ASAP1: variants seen among roughly 807,000 people sequenced by gnomAD.
ASAP1 encodes arf-GAP with SH3 domain, ANK repeat and PH domain-containing protein 1.
In ASAP1, 43 loss-of-function variants were observed where a neutral mutation model predicts 145.2. The ratio of observed to expected loss-of-function variants is 0.30; its 90% CI spans 0.23 to 0.38. ASAP1 has a LOEUF of 0.38. Among genes scored for constraint, ASAP1 ranks in the 10% least tolerant of loss-of-function variants. ASAP1 has a pLI of 1.00. For missense variants in ASAP1, 1,018 were observed against 1,355.3 expected, an observed-to-expected ratio of 0.75 and a Z score of 3.91; for synonymous variants, 546 against 515.5, an observed-to-expected ratio of 1.06 and a Z score of -0.80.
intron 3 of ASAP1, among the ~76,000 whole-genome samples, chr8:130,277,429 A>G (rs146499219): frequency 2.7e-4 from 41 of 152,364 alleles, no homozygotes; most frequent in African/African-American, 9.9e-4. Flanking sequence ...AAAGAACCAG[A>G]AAGTTCAGTA....
At chr8:130,241,082 T>C (rs1374553066) in intron 3 of ASAP1, among the ~76,000 whole-genome samples, 1 of 152,132 alleles carries the variant, frequency 6.6e-6, no homozygotes, top group Non-Finnish European at 1.5e-5. Flanking sequence ...TAAGAGCAGA[T>C]GTTCTCAGAG....
intron 3 of ASAP1, among the ~76,000 whole-genome samples, chr8:130,347,543 T>G (rs2138003729): frequency 6.6e-6 from 1 of 152,322 alleles, no homozygotes; most frequent in Middle Eastern, 3.4e-3. Context: ...CCAGCTTTGC[T>G]GTGTGATCTG....
Position 130,079,530 on chromosome 8 carries a change from GC to G in ASAP1, c.2642+371del, listed in dbSNP as rs559817799. Among the ~76,000 whole-genome samples, 13 of 152,188 alleles carry G rather than the reference GC, an allele frequency of 8.5e-5. No individual in the cohort carries two copies. The East Asian group carries it at 2.3e-3, about 27-fold the overall frequency. ...GGATTATCTTTTCATTTCCAAATCT[GC>G]AAAAGGAGTCAAGTGGAAAAGTAAC... On this transcript the variant is annotated intron_variant, in intron 26 of 29. Coordinates refer to ENST00000518721, the MANE Select transcript of ASAP1 (RefSeq NM_018482.4).
intron 3 of ASAP1, among the ~76,000 whole-genome samples, chr8:130,268,332 A>T (rs994896711): frequency 3.3e-5 from 5 of 152,052 alleles, no homozygotes; most frequent in African/African-American, 9.7e-5. Flanking sequence ...CAAAAATATT[A>T]AAAAATTAGC....
intron 3 of ASAP1, among the ~76,000 whole-genome samples, chr8:130,276,531 G>C (rs1820891031): frequency 6.6e-6 from 1 of 152,124 alleles, no homozygotes; most frequent in Non-Finnish European, 1.5e-5. Flanking sequence ...CAAAAAAGCT[G>C]GCATTTGTGT....
intron 1 of ASAP1, among the ~76,000 whole-genome samples, chr8:130,440,398 T>G (rs1830451062): frequency 6.6e-6 from 1 of 151,242 alleles, no homozygotes; most frequent in Non-Finnish European, 1.5e-5. Context: ...TCCCAGCTAC[T>G]CAGGAGGCTG....
chr8:130,067,943 G>A (rs538782337), intron 27 of ASAP1, among the ~76,000 whole-genome samples: 5 of 152,274 alleles, frequency 3.3e-5, no homozygotes, highest in South Asian at 2.1e-4. Flanking sequence ...TGGTATCAGC[G>A]AAGCAGGATT....
At chr8:130,354,213 T>A (rs1378913955) in intron 3 of ASAP1, among the ~76,000 whole-genome samples, 1 of 152,136 alleles carries the variant, frequency 6.6e-6, no homozygotes, top group Admixed American at 6.5e-5. Context: ...TTAAATTCCA[T>A]TTTATTTACT....
Position 130,169,042 on chromosome 8 carries a change from C to T in ASAP1, c.772G>A (p.Ala258Thr). The stretch of plus-strand genomic sequence containing the variant: ...TCAATGTACTGTTTCAACTTATCAG[C>T]TGTTTTCAAGCCATCTTGAAAGAAA... The part of the protein sequence containing the change: ...CNFFQDGLKT[A>T]DKLKQYIEKL... The change falls in exon 10 of 30, where the codon GCT becomes ACT. Residue 258 changes from alanine to threonine, a missense_variant. By Grantham distance (58) the Ala-to-Thr change is moderately conservative. This residue lies in a region of ASAP1 where 62 missense variants were observed against 68.5 expected (regional missense o/e 0.90). Transcript: ENST00000518721. The T allele has an allele frequency of 6.4e-7, 1 of 1,570,752 alleles. No homozygotes were observed. The highest frequency in any genetic ancestry group is 8.6e-7 in the Non-Finnish European group (1 of 1,162,096).
intron 3 of ASAP1, among the ~76,000 whole-genome samples, chr8:130,252,986 C>A (rs1282706064): frequency 6.6e-6 from 1 of 152,134 alleles, no homozygotes; most frequent in Non-Finnish European, 1.5e-5. Flanking sequence ...CTTTTAGCTT[C>A]CCACCAGTTC....
chr8:130,236,822 G>C (rs1464543496), intron 4 of ASAP1, 100 bp downstream of exon 4: 2 of 850,650 alleles, frequency 2.4e-6, no homozygotes, highest in Non-Finnish European at 3.4e-6. Flanking sequence ...TTTTCCATTT[G>C]TGTCAAGTTT....
At chr8:130,156,960 C>T (rs1032890266) in intron 12 of ASAP1, among the ~76,000 whole-genome samples, 4 of 152,128 alleles carry the variant, frequency 2.6e-5, no homozygotes, top group South Asian at 2.1e-4. Flanking sequence ...ATTGTGATTT[C>T]GGGAGAGTAG....
At chr8:130,116,542 A>G (rs2097556319) in intron 22 of ASAP1, 136 bp downstream of exon 22, 1 of 744,614 alleles carries the variant, frequency 1.3e-6, no homozygotes, top group Non-Finnish European at 2.3e-6. Flanking sequence ...AATGTAGCAC[A>G]TTGCTCATCT....
chr8:130,239,721 T>C (rs1818414362), intron 3 of ASAP1, among the ~76,000 whole-genome samples: 1 of 152,126 alleles, frequency 6.6e-6, no homozygotes, highest in Non-Finnish European at 1.5e-5. Flanking sequence ...AGATGAACTG[T>C]TTTTGTGATG....
At chr8:130,072,739 C>T (rs1215122195) in intron 27 of ASAP1, among the ~76,000 whole-genome samples, 1 of 149,116 alleles carries the variant, frequency 6.7e-6, no homozygotes, top group African/African-American at 2.5e-5. Context: ...TTGTAGGAGC[C>T]CCACCTTGTA....
rs185411909 is a variant in ASAP1 at position 130,069,178 on chromosome 8, A to G, written c.2701+7170T>C. 1.9e-3 allele frequency among the ~76,000 whole-genome samples: 283 copies of G among 152,352 alleles called. 1 individual carries two copies. The highest frequency in any genetic ancestry group is 6.4e-3 in the African/African-American group (268 of 41,578). On this transcript the variant is annotated intron_variant, in intron 27 of 29. Transcript: ENST00000518721. ...TGGGACTCATCCCAGCAGGGTAGAA[A>G]TCTTTAGATGGTTATTAAGAAATGG...
At chr8:130,267,134 C>CAAA (rs990415215) in intron 3 of ASAP1, among the ~76,000 whole-genome samples, 1 of 106,424 alleles carries the variant, frequency 9.4e-6, no homozygotes, top group Non-Finnish European at 2.3e-5. Flanking sequence ...AAAAAAAAAA[C>CAAA]AAAACAAAAA....
chr8:130,437,327 A>G (rs1188026432), intron 1 of ASAP1, among the ~76,000 whole-genome samples: 1 of 152,230 alleles, frequency 6.6e-6, no homozygotes, highest in African/African-American at 2.4e-5. Flanking sequence ...GTGAGGAACT[A>G]TATGAGCAAA....
chr8:130,111,831 T>C (rs1250570889), intron 24 of ASAP1, among the ~76,000 whole-genome samples: 1 of 152,146 alleles, frequency 6.6e-6, no homozygotes, highest in Non-Finnish European at 1.5e-5. Context: ...TTCTGTAAAA[T>C]GGGCACAAAA....
Sources: allele counts gnomAD v4.1 joint callset (sites outside exome capture counted in the v4.1 genomes callset), GRCh38; gene constraint gnomAD v4.1.1; regional missense constraint gnomAD v4.1.1; transcripts MANE v1.5; gene names NCBI Gene and HGNC (gene_info 2026-07-23, HGNC 2026-07-21).